Variants in ZBTB7C observed in about 807,000 individuals in gnomAD.
ZBTB7C encodes zinc finger and BTB domain-containing protein 7C.
ZBTB7C carries 8 observed loss-of-function variants against 25.7 expected under a neutral mutation model. The observed-to-expected ratio is 0.31, with a 90% confidence interval of 0.18 to 0.56. The LOEUF (loss-of-function observed/expected upper bound fraction) is 0.56, where lower values mean the gene tolerates loss of function less well. Ranked by LOEUF, ZBTB7C falls within the 20% of genes least tolerant of loss-of-function variation. The pLI is 0.91. For synonymous variants in ZBTB7C, 394 were observed against 369.0 expected (o/e 1.07, Z -0.78); for missense variants, 824 against 855.2 (o/e 0.96, Z 0.46).
At chr18:48,354,081 C>G (rs961497120) in intron 1 of ZBTB7C, among the ~76,000 whole-genome samples, 6 of 152,178 alleles carry the variant, frequency 3.9e-5, no homozygotes, top group African/African-American at 1.4e-4. Flanking sequence ...ACGAAAGCAT[C>G]CTTTGCAGGT....
chr18:48,040,046 T>C lies in ZBTB7C; in HGVS notation c.1062A>G (p.Glu354=). Residue 354 remains glutamate, a synonymous_variant, in exon 4 of 5, where the codon GAA becomes GAG. Coordinates refer to ENST00000590800, the MANE Select transcript of ZBTB7C (RefSeq NM_001318841.2). Reference sequence around the variant, plus strand: ...AGGCCTTGGGCTTCAGCTTGCGCTCTTCTACCAGGGGCCAGGGTGGGAAGA... The same window carrying C: ...AGGCCTTGGGCTTCAGCTTGCGCTCCTCTACCAGGGGCCAGGGTGGGAAGA... ...GGLFPPWPLV[E]ERKLKPKASQ... 1 of 1,614,064 alleles carries C rather than the reference T, an allele frequency of 6.2e-7. No homozygotes were observed. Among genetic ancestry groups the C allele is most frequent in the Non-Finnish European group, 8.5e-7 (1 of 1,179,994 alleles).
At chr18:48,270,777 C>T (rs1434012656) in intron 2 of ZBTB7C, among the ~76,000 whole-genome samples, 4 of 151,740 alleles carry the variant, frequency 2.6e-5, no homozygotes, top group East Asian at 2.0e-4. Context: ...CTTGACCTCA[C>T]GATCCGCCCA....
At chr18:48,065,313 G>A (rs73954682) in intron 3 of ZBTB7C, among the ~76,000 whole-genome samples, 22,443 of 151,892 alleles carry the variant, frequency 0.15, 2,333 homozygotes, top group African/African-American at 0.28. Flanking sequence ...CTGGAGATTC[G>A]CAATGAATCT....
In ZBTB7C at chr18:48,315,944, G is replaced by A. The variant is rs113327432; in HGVS notation, c.-79+22230C>T. The stretch of plus-strand genomic sequence containing the variant: ...TAAGCACGGGAAGCGCCCAGCCCCC[G>A]TAAGAAAGGATCAGCAATTTTCACT... On this transcript the variant is annotated intron_variant, in intron 2 of 4. Transcript: ENST00000590800. 6.0e-3 allele frequency among the ~76,000 whole-genome samples: 913 copies of A among 152,184 alleles called. 9 individuals are homozygous for A. The highest frequency in any genetic ancestry group is 0.021 in the African/African-American group (887 of 41,530).
chr18:48,151,959 G>A (rs1057055632), intron 3 of ZBTB7C, among the ~76,000 whole-genome samples: 1 of 152,186 alleles, frequency 6.6e-6, no homozygotes, highest in Non-Finnish European at 1.5e-5. Context: ...GCCAAGGGGA[G>A]GGACACAGGC....
intron 3 of ZBTB7C, among the ~76,000 whole-genome samples, chr18:48,052,703 T>C (rs1342742435): frequency 6.6e-6 from 1 of 152,124 alleles, no homozygotes; most frequent in African/African-American, 2.4e-5. Flanking sequence ...GGGGAGGAAT[T>C]ATAGTTAAAA....
At chr18:48,101,047 G>A (rs1053191646) in intron 3 of ZBTB7C, among the ~76,000 whole-genome samples, 2 of 152,080 alleles carry the variant, frequency 1.3e-5, no homozygotes, top group African/African-American at 4.8e-5. Flanking sequence ...CTTGTCCTCA[G>A]CCCTCTCTGA....
At chr18:48,044,298 TG>T (rs2036380762) in intron 3 of ZBTB7C, among the ~76,000 whole-genome samples, 1 of 152,244 alleles carries the variant, frequency 6.6e-6, no homozygotes, top group Admixed American at 6.5e-5. Context: ...TGAGCTGTGC[TG>T]CAGAGAGAGC....
intron 2 of ZBTB7C, among the ~76,000 whole-genome samples, chr18:48,219,960 C>T (rs2042911408): frequency 1.3e-5 from 2 of 152,118 alleles, no homozygotes; most frequent in Admixed American, 1.3e-4. Flanking sequence ...TGTTATGGCC[C>T]CTCCCAGAAG....
chr18:48,244,275 T>C (rs1007342647), intron 2 of ZBTB7C, among the ~76,000 whole-genome samples: 12 of 151,986 alleles, frequency 7.9e-5, no homozygotes, highest in Non-Finnish European at 1.8e-4. Flanking sequence ...ATTAGCCAGG[T>C]GTGGTGGCAG....
intron 4 of ZBTB7C, among the ~76,000 whole-genome samples, chr18:48,031,395 C>T (rs550780657): frequency 6.6e-6 from 1 of 152,240 alleles, no homozygotes; most frequent in Non-Finnish European, 1.5e-5. Context: ...CCTCCACATC[C>T]CACTGCTCCT....
chr18:48,291,473 G>C (rs1045721166), intron 2 of ZBTB7C, among the ~76,000 whole-genome samples: 2 of 152,110 alleles, frequency 1.3e-5, no homozygotes, highest in African/African-American at 4.8e-5. Context: ...AACAGCAAAG[G>C]AGCAAAGCAG....
At chr18:48,077,956 G>A (rs1019982598) in intron 3 of ZBTB7C, among the ~76,000 whole-genome samples, 18 of 136,648 alleles carry the variant, frequency 1.3e-4, no homozygotes, top group Non-Finnish European at 2.2e-4. Flanking sequence ...GGGGCCCAGG[G>A]CACATGAGGG....
chr18:48,149,848 G>T (rs1287235658), intron 3 of ZBTB7C: 1 of 146,010 alleles, frequency 6.8e-6, no homozygotes, highest in African/African-American at 2.6e-5. Flanking sequence ...CTGTTGCCTA[G>T]GCTGGAATGC....
At chr18:48,087,626 A>C (rs2038240146) in intron 3 of ZBTB7C, 1 of 151,956 alleles carries the variant, frequency 6.6e-6, no homozygotes, top group Non-Finnish European at 1.5e-5. Context: ...CTCTAGAAAA[A>C]AATTAAAAAG....
chr18:48,246,523 T>C (rs2043699908), intron 2 of ZBTB7C, among the ~76,000 whole-genome samples: 1 of 149,892 alleles, frequency 6.7e-6, no homozygotes. Flanking sequence ...TTAAAGAAAA[T>C]GGAAATAAAA....
chr18:48,084,322 C>A (rs2038102729), intron 3 of ZBTB7C, among the ~76,000 whole-genome samples: 1 of 152,210 alleles, frequency 6.6e-6, no homozygotes, highest in Non-Finnish European at 1.5e-5. Context: ...ATCCCCTCCC[C>A]ACGATGGGGG....
At chr18:48,304,235 C>A (rs2045613533) in intron 2 of ZBTB7C, among the ~76,000 whole-genome samples, 1 of 152,192 alleles carries the variant, frequency 6.6e-6, no homozygotes. Context: ...CCTGGTGTAC[C>A]CCCAATCACA....
intron 1 of ZBTB7C, among the ~76,000 whole-genome samples, chr18:48,402,044 A>G (rs987215490): frequency 1.3e-5 from 2 of 152,092 alleles, no homozygotes; most frequent in Non-Finnish European, 2.9e-5. Context: ...CTCATCTCCC[A>G]TAGGAAGAAT....
Sources: allele counts gnomAD v4.1 joint callset (sites outside exome capture counted in the v4.1 genomes callset), GRCh38; gene constraint gnomAD v4.1.1; transcripts MANE v1.5; gene names NCBI Gene and HGNC (gene_info 2026-07-23, HGNC 2026-07-21).